The following DLG2 variants were observed in gnomAD, a reference collection of about 807,000 sequenced individuals.
DLG2 encodes the protein disks large homolog 2.
Under a neutral mutation model 132.5 loss-of-function variants are expected in DLG2, and 45 were observed. The ratio of observed to expected loss-of-function variants is 0.34; its 90% confidence interval spans 0.27 to 0.44. The LOEUF is 0.44. Among genes scored for constraint, DLG2 ranks in the 20% least tolerant of loss-of-function variants. DLG2 has a pLI of 1.00. For synonymous variants in DLG2, 424 were observed against 419.6 expected, an observed-to-expected ratio of 1.01 and a Z score of -0.13; for missense variants, 1,045 against 1,196.9, an observed-to-expected ratio of 0.87 and a Z score of 1.87.
intron 6 of DLG2, among the ~76,000 whole-genome samples, chr11:85,074,852 A>G (rs1333163268): frequency 1.3e-5 from 2 of 151,912 alleles, no homozygotes; most frequent in African/African-American, 4.8e-5. Flanking sequence ...GAATTTGATT[A>G]ATAAATGGAG....
intron 6 of DLG2, among the ~76,000 whole-genome samples, chr11:84,907,494 C>A (rs555358459): frequency 1.3e-5 from 2 of 152,172 alleles, no homozygotes; most frequent in East Asian, 3.9e-4. Flanking sequence ...ATGCTAAGCC[C>A]GCAAAACAAG....
At chr11:83,885,343 A>G (rs922724537) in intron 15 of DLG2, among the ~76,000 whole-genome samples, 10 of 152,252 alleles carry the variant, frequency 6.6e-5, no homozygotes, top group African/African-American at 2.4e-4. Flanking sequence ...AAGAAAGGGT[A>G]TCAGTGATGG....
At chr11:84,623,817 C>T (rs1010298845) in intron 6 of DLG2, among the ~76,000 whole-genome samples, 1 of 152,156 alleles carries the variant, frequency 6.6e-6, no homozygotes, top group African/African-American at 2.4e-5. Flanking sequence ...ACGTCCTTCC[C>T]ACCACAATGA....
At chr11:84,481,757 G>T (rs1022374919) in intron 7 of DLG2, among the ~76,000 whole-genome samples, 6 of 152,066 alleles carry the variant, frequency 3.9e-5, no homozygotes, top group Admixed American at 3.3e-4. Flanking sequence ...TATCAAAATT[G>T]CTTATGTTTC....
At chr11:84,794,917 G>A (rs2074359371) in intron 6 of DLG2, among the ~76,000 whole-genome samples, 1 of 152,214 alleles carries the variant, frequency 6.6e-6, no homozygotes, top group Admixed American at 6.5e-5. Context: ...CAGCCTGTGT[G>A]CCGTGGGCAC....
At chr11:85,316,807 C>A (rs774625277) in intron 3 of DLG2, among the ~76,000 whole-genome samples, 1 of 151,876 alleles carries the variant, frequency 6.6e-6, no homozygotes, top group African/African-American at 2.4e-5. Context: ...GGGATATTTT[C>A]TTTGTCCCAG....
intron 6 of DLG2, among the ~76,000 whole-genome samples, chr11:85,068,883 T>A (rs567041445): frequency 2.6e-5 from 4 of 151,928 alleles, no homozygotes; most frequent in Non-Finnish European, 4.4e-5. Flanking sequence ...GAGGCATCAC[T>A]CTACCTGACT....
chr11:83,542,496 C>A (rs369567877), intron 19 of DLG2, among the ~76,000 whole-genome samples: 2 of 152,078 alleles, frequency 1.3e-5, no homozygotes, highest in South Asian at 2.1e-4. Context: ...TATGGATAGA[C>A]AAAAATCATA....
chr11:84,874,822 A>G (rs984416443), intron 6 of DLG2, among the ~76,000 whole-genome samples: 1 of 152,064 alleles, frequency 6.6e-6, no homozygotes, highest in Non-Finnish European at 1.5e-5. Context: ...GGCATTCAAG[A>G]CCAGCCTAGC....
chr11:84,320,336 C>A (rs1221395080), intron 7 of DLG2, among the ~76,000 whole-genome samples: 3 of 152,080 alleles, frequency 2.0e-5, no homozygotes, highest in African/African-American at 7.2e-5. Context: ...AAACTTGATA[C>A]AGAATCTTTT....
At chr11:84,061,481 G>GCAGAGTCCT (rs2096589537) in intron 10 of DLG2, among the ~76,000 whole-genome samples, 3 of 152,156 alleles carry the variant, frequency 2.0e-5, no homozygotes, top group Admixed American at 2.0e-4. Flanking sequence ...TCTGCTTAAA[G>GCAGAGTCCT]CTGTCAGCAA....
At chr11:84,005,062 AAAAC>A (rs150424083) in intron 11 of DLG2, among the ~76,000 whole-genome samples, 1,784 of 151,958 alleles carry the variant, frequency 0.012, 32 homozygotes, top group African/African-American at 0.041. Flanking sequence ...ACAAAACACA[AAAAC>A]AAACAAACAA....
chr11:85,609,712 G>A (rs1362765119), intron 2 of DLG2, among the ~76,000 whole-genome samples: 1 of 152,124 alleles, frequency 6.6e-6, no homozygotes, highest in East Asian at 1.9e-4. Flanking sequence ...ACCAGCTCAT[G>A]TTATCACCCT....
chr11:83,619,476 G>T (rs1335450923), intron 19 of DLG2, among the ~76,000 whole-genome samples: 1 of 152,166 alleles, frequency 6.6e-6, no homozygotes, highest in Non-Finnish European at 1.5e-5. Context: ...GTCCTTCTTT[G>T]CTGTGTAAAT....
At chr11:85,037,671 G>T (rs1289674022) in intron 6 of DLG2, among the ~76,000 whole-genome samples, 1 of 151,798 alleles carries the variant, frequency 6.6e-6, no homozygotes, top group Non-Finnish European at 1.5e-5. Context: ...GGGTTTTTTT[G>T]CACTTACTTG....
chr11:84,030,137 C>A (rs1593453343), intron 11 of DLG2, among the ~76,000 whole-genome samples: 1 of 152,210 alleles, frequency 6.6e-6, no homozygotes, highest in Non-Finnish European at 1.5e-5. Flanking sequence ...GTATTTTTCA[C>A]TCACCAATAT....
intron 6 of DLG2, among the ~76,000 whole-genome samples, chr11:84,626,430 T>C (rs1345794045): frequency 4.6e-5 from 7 of 152,144 alleles, no homozygotes; most frequent in South Asian, 2.1e-4. Flanking sequence ...CTCCACATCA[T>C]TGATTCATCT....
At chr11:83,820,568 G>A (rs2050484240) in intron 17 of DLG2, among the ~76,000 whole-genome samples, 1 of 152,116 alleles carries the variant, frequency 6.6e-6, no homozygotes, top group Admixed American at 6.6e-5. Context: ...CTTTCAGAGT[G>A]ATTTGTCTCA....
Position 84,282,164 on chromosome 11 carries a change from A to G in DLG2, c.520-30873T>C, listed in dbSNP as rs371264046. On this transcript the variant is annotated intron_variant, in intron 7 of 27. Transcript: ENST00000376104. ...TTGTGGTATTTGCATGCAACAGAAT[A>G]GTGTTCAGCAATAAAAAAGAATGAA... Among the ~76,000 whole-genome samples the G allele has an allele frequency of 4.4e-4, 67 of 152,380 alleles. 1 individual carries two copies. In the South Asian group the frequency reaches 0.013, roughly 30 times the overall value.
Sources: allele counts gnomAD v4.1 joint callset (sites outside exome capture counted in the v4.1 genomes callset), GRCh38; gene constraint gnomAD v4.1.1; transcripts MANE v1.5; gene names NCBI Gene and HGNC (gene_info 2026-07-23, HGNC 2026-07-21).